EIPR1: variants seen among roughly 807,000 people sequenced by gnomAD.
The protein encoded by EIPR1 is EARP and GARP complex-interacting protein 1.
EIPR1 carries 25 observed loss-of-function variants against 48.1 expected under a neutral mutation model. That is an observed-to-expected ratio of 0.52 (90% CI 0.38 to 0.73). The LOEUF (loss-of-function observed/expected upper bound fraction) is 0.73, where lower values mean the gene tolerates loss of function less well. Among genes scored for constraint, EIPR1 ranks in the 30% least tolerant of loss-of-function variants. The pLI is 0.00. For synonymous variants in EIPR1, 204 were observed against 201.9 expected, an observed-to-expected ratio of 1.01 and a Z score of -0.09; for missense variants, 415 against 506.2, an observed-to-expected ratio of 0.82 and a Z score of 1.73.
intron 6 of EIPR1, among the ~76,000 whole-genome samples, chr2:3,195,820 C>T (rs1249008410): frequency 6.6e-6 from 1 of 152,194 alleles, no homozygotes; most frequent in Non-Finnish European, 1.5e-5. Flanking sequence ...ACCCTCTGTG[C>T]TGCGCTGGCA....
At chr2:3,211,368 G>T (rs1665450090) in intron 5 of EIPR1, among the ~76,000 whole-genome samples, 1 of 152,138 alleles carries the variant, frequency 6.6e-6, no homozygotes, top group Admixed American at 6.5e-5. Context: ...GCGCCGGCAA[G>T]GAGCCATAGA....
At chr2:3,347,516 G>C (rs111356200) in intron 2 of EIPR1, among the ~76,000 whole-genome samples, 3 of 152,162 alleles carry the variant, frequency 2.0e-5, no homozygotes, top group Non-Finnish European at 4.4e-5. Context: ...CACCATGATT[G>C]TGAGGCCTCC....
chr2:3,206,371 G>A (rs1001624819), intron 5 of EIPR1, among the ~76,000 whole-genome samples: 2 of 152,242 alleles, frequency 1.3e-5, no homozygotes, highest in Non-Finnish European at 2.9e-5. Context: ...CCAGTGGGCT[G>A]CAGGCTCCCA....
chr2:3,287,677 G>GTTCACCACGCTCCAGAAAGCTCA, intron 3 of EIPR1, among the ~76,000 whole-genome samples: 1 of 150,702 alleles, frequency 6.6e-6, no homozygotes, highest in South Asian at 2.1e-4. Flanking sequence ...CGGAAAGCGC[G>GTTCACCACGCTCCAGAAAGCTCA]TTCACCACGC....
At chr2:3,330,967 T>G (rs758418195) in intron 3 of EIPR1, among the ~76,000 whole-genome samples, 3 of 85,394 alleles carry the variant, frequency 3.5e-5, no homozygotes, top group African/African-American at 2.6e-4. Flanking sequence ...GGCAAGCGCA[T>G]GTACACTCAC....
At chr2:3,365,255 G>A (rs1056890929) in intron 1 of EIPR1, among the ~76,000 whole-genome samples, 3 of 151,798 alleles carry the variant, frequency 2.0e-5, no homozygotes, top group Non-Finnish European at 4.4e-5. Flanking sequence ...CTGACAATAT[G>A]ATGAGACCCC....
rs531418806 is a variant in EIPR1 at position 3,226,714 on chromosome 2, G to T, written c.417-12466C>A. 1.3e-3 allele frequency among the ~76,000 whole-genome samples: 194 copies of T among 152,320 alleles called. 3 individuals carry two copies. In the South Asian group the frequency reaches 0.023, roughly 18 times the overall value. On this transcript the variant is annotated intron_variant, in intron 4 of 8. Coordinates refer to ENST00000382125, the MANE Select transcript of EIPR1 (RefSeq NM_003310.5). ...CAATACTGATAAGGTTTGGCTTGGT[G>T]TTCTCACCCAAATCTCATGTCAAAT...
chr2:3,306,182 C>T (rs1273805547), intron 3 of EIPR1, among the ~76,000 whole-genome samples: 1 of 152,214 alleles, frequency 6.6e-6, no homozygotes, highest in Non-Finnish European at 1.5e-5. Flanking sequence ...CTAGCGGTGG[C>T]CTGGGTCCCG....
intron 1 of EIPR1, among the ~76,000 whole-genome samples, chr2:3,367,003 C>T (rs1670989657): frequency 6.6e-6 from 1 of 151,742 alleles, no homozygotes; most frequent in Non-Finnish European, 1.5e-5. Context: ...CAAGATTGCG[C>T]CACTGTACTC....
intron 1 of EIPR1, among the ~76,000 whole-genome samples, chr2:3,357,210 T>C (rs767924134): frequency 1.2e-4 from 18 of 152,324 alleles, no homozygotes; most frequent in Non-Finnish European, 2.5e-4. Context: ...TCCCACCCCA[T>C]GGAGCGTACT....
chr2:3,235,448 G>GCACA (rs1172210710), intron 4 of EIPR1, among the ~76,000 whole-genome samples: 421 of 26,888 alleles, frequency 0.016, 2 homozygotes, highest in East Asian at 0.16. Flanking sequence ...ACGCGTGCGC[G>GCACA]CACACACACA....
At chr2:3,330,795 G>A (rs1669867441) in intron 3 of EIPR1, among the ~76,000 whole-genome samples, 1 of 147,744 alleles carries the variant, frequency 6.8e-6, no homozygotes, top group South Asian at 2.2e-4. Context: ...ACACTCACGA[G>A]AATGGTGTGA....
intron 3 of EIPR1, among the ~76,000 whole-genome samples, chr2:3,317,542 G>A (rs965543090): frequency 7.9e-5 from 12 of 152,360 alleles, no homozygotes; most frequent in African/African-American, 1.4e-4. Context: ...AGGTGACCTC[G>A]CAGCAGCTGT....
At chr2:3,255,443 A>T (rs930276403) in intron 4 of EIPR1, among the ~76,000 whole-genome samples, 1 of 152,214 alleles carries the variant, frequency 6.6e-6, no homozygotes, top group African/African-American at 2.4e-5. Context: ...TTGGCCTCCC[A>T]AAGTGCTGGG....
chr2:3,275,256 A>C (rs1332139934), intron 3 of EIPR1, among the ~76,000 whole-genome samples: 1 of 150,054 alleles, frequency 6.7e-6, no homozygotes, highest in African/African-American at 2.5e-5. Flanking sequence ...AGCCATATTA[A>C]TATTTGCCAA....
intron 2 of EIPR1, among the ~76,000 whole-genome samples, chr2:3,346,811 T>A (rs1292352032): frequency 6.6e-6 from 1 of 152,228 alleles, no homozygotes; most frequent in Non-Finnish European, 1.5e-5. Flanking sequence ...ACAAAAATCA[T>A]AAATTTCTCC....
intron 5 of EIPR1, among the ~76,000 whole-genome samples, chr2:3,199,559 G>A (rs1169625674): frequency 6.6e-6 from 1 of 152,222 alleles, no homozygotes; most frequent in East Asian, 1.9e-4. Flanking sequence ...AAGAGAAGGT[G>A]GGGACACAAG....
chr2:3,308,979 G>T (rs889897305), intron 3 of EIPR1, among the ~76,000 whole-genome samples: 1 of 152,126 alleles, frequency 6.6e-6, no homozygotes, highest in Non-Finnish European at 1.5e-5. Flanking sequence ...TACCCTCAAA[G>T]GATGGATAAA....
chr2:3,238,690 C>T (rs1017276886), intron 4 of EIPR1, among the ~76,000 whole-genome samples: 2 of 152,204 alleles, frequency 1.3e-5, no homozygotes, highest in African/African-American at 4.8e-5. Context: ...TGCCTTTGAA[C>T]CTTCGCCGTT....
Sources: allele counts gnomAD v4.1 joint callset (sites outside exome capture counted in the v4.1 genomes callset), GRCh38; gene constraint gnomAD v4.1.1; transcripts MANE v1.5; gene names NCBI Gene and HGNC (gene_info 2026-07-23, HGNC 2026-07-21).